Variants in JAKMIP2 observed in about 807,000 individuals in gnomAD.
JAKMIP2 encodes the protein janus kinase and microtubule interacting protein 2, also known as janus kinase and microtubule-interacting protein 2.
In JAKMIP2, 25 loss-of-function variants were observed where a neutral mutation model predicts 115.0. That is an observed-to-expected ratio of 0.22 (90% CI 0.16 to 0.30). JAKMIP2 has a LOEUF of 0.30. Ranked by LOEUF, JAKMIP2 falls within the 10% of genes least tolerant of loss-of-function variation. The probability of loss-of-function intolerance (pLI) is 1.00; values close to 1 mark genes in which losing one functional copy is unlikely to be tolerated. For synonymous variants in JAKMIP2, 334 were observed against 343.6 expected (o/e 0.97, Z 0.31); for missense variants, 642 against 957.6 (o/e 0.67, Z 4.35).
rs1457553288 is a variant in JAKMIP2, at chr5:147,709,293, T to C, written c.-148-37339A>G. Among the ~76,000 whole-genome samples the C allele has an allele frequency of 2.0e-5, 3 of 152,226 alleles. No homozygotes were observed. In the East Asian group the frequency reaches 5.8e-4, roughly 29 times the overall value. On this transcript the variant is annotated intron_variant, in intron 1 of 21. Transcript: ENST00000616793. Reference sequence around the variant, plus strand: ...GTATTATGAGACTCTTATACATACTTGCATGTATTTGTGTGTGTAAATCCA... The same window carrying C: ...GTATTATGAGACTCTTATACATACTCGCATGTATTTGTGTGTGTAAATCCA...
intron 21 of JAKMIP2, among the ~76,000 whole-genome samples, chr5:147,598,860 G>A (rs190054769): frequency 3.9e-5 from 6 of 152,252 alleles, no homozygotes. Flanking sequence ...ATCGTAATTT[G>A]CAGTAAGCTT....
intron 1 of JAKMIP2, among the ~76,000 whole-genome samples, chr5:147,685,537 C>G (rs1760525258): frequency 6.6e-6 from 1 of 152,100 alleles, no homozygotes; most frequent in Admixed American, 6.6e-5. Flanking sequence ...TACTCCGGAG[C>G]CTATAAGCCC....
chr5:147,733,869 G>A (rs879125442), intron 1 of JAKMIP2, among the ~76,000 whole-genome samples: 2 of 152,110 alleles, frequency 1.3e-5, no homozygotes, highest in Non-Finnish European at 2.9e-5. Flanking sequence ...TATCATTGAT[G>A]GGCACTTGGG....
At chr5:147,702,596 G>T (rs1752388528) in intron 1 of JAKMIP2, among the ~76,000 whole-genome samples, 1 of 108,042 alleles carries the variant, frequency 9.3e-6, no homozygotes, top group African/African-American at 3.8e-5. Flanking sequence ...AAGAAAGAAA[G>T]AAAGAAGGAA....
chr5:147,769,866 G>T lies in JAKMIP2; in HGVS notation c.-149+12590C>A, dbSNP rs369704910. ...CAAAACTGGATAGTCAAATATTTGG[G>T]TTTGTAGATGATTTAAACATTTTGA... On this transcript the variant is annotated intron_variant, in intron 1 of 21. Transcript: ENST00000616793. 1.1e-4 allele frequency among the ~76,000 whole-genome samples: 16 copies of T among 152,020 alleles called. 1 individual carries two copies. Among genetic ancestry groups the T allele is most frequent in the African/African-American group, 3.9e-4 (16 of 41,448 alleles).
chr5:147,710,118 C>T (rs1349971225), intron 1 of JAKMIP2, among the ~76,000 whole-genome samples: 1 of 152,118 alleles, frequency 6.6e-6, no homozygotes, highest in East Asian at 1.9e-4. Flanking sequence ...GAAATATGAA[C>T]AACACTATGA....
intron 1 of JAKMIP2, among the ~76,000 whole-genome samples, chr5:147,717,718 G>A (rs1267094300): frequency 2.0e-5 from 3 of 150,452 alleles, no homozygotes; most frequent in African/African-American, 7.3e-5. Context: ...CTTTGCTGAA[G>A]TTGCTGATCA....
At chr5:147,713,827 C>T (rs1752869849) in intron 1 of JAKMIP2, among the ~76,000 whole-genome samples, 2 of 152,110 alleles carry the variant, frequency 1.3e-5, no homozygotes, top group African/African-American at 4.8e-5. Context: ...GATTATTATT[C>T]TTGTTTTTGG....
At chr5:147,698,217 T>C (rs777420124) in intron 1 of JAKMIP2, among the ~76,000 whole-genome samples, 1 of 152,248 alleles carries the variant, frequency 6.6e-6, no homozygotes, top group Non-Finnish European at 1.5e-5. Flanking sequence ...ATAGCCTCTT[T>C]GTTCTGGCCA....
intron 1 of JAKMIP2, among the ~76,000 whole-genome samples, chr5:147,680,592 C>G (rs543633523): frequency 6.6e-6 from 1 of 152,310 alleles, no homozygotes; most frequent in Admixed American, 6.5e-5. Flanking sequence ...TCTTCTAAGC[C>G]TCCCTTCTTT....
rs1453069041 is a variant in JAKMIP2, at chr5:147,588,862, A to G, written c.*2845T>C. Reference sequence around the variant, plus strand: ...TCATTTAGAAATAGTTACTCATGGAAATAAATTTTGACTTACAAATTTCTT... The same window carrying G: ...TCATTTAGAAATAGTTACTCATGGAGATAAATTTTGACTTACAAATTTCTT... On this transcript the variant is annotated 3_prime_UTR_variant, in exon 22 of 22. Coordinates refer to ENST00000616793, the MANE Select transcript of JAKMIP2 (RefSeq NM_001270941.2). The G allele has an allele frequency of 1.3e-5, 2 of 152,198 alleles. No homozygotes were observed. The highest frequency in any genetic ancestry group is 2.9e-5 in the Non-Finnish European group (2 of 68,042). 9.4% of individuals were successfully genotyped at this position (152,198 alleles called of 1,614,324 possible).
chr5:147,759,948 G>T lies in JAKMIP2; in HGVS notation c.-149+22508C>A, dbSNP rs151205374. ...AGCCCTACATGGGAAGGTGGCAATA[G>T]AGATGGAAAAGTAAACAGATTTAGG... On this transcript the variant is annotated intron_variant, in intron 1 of 21. Transcript: ENST00000616793. 9.9e-4 allele frequency among the ~76,000 whole-genome samples: 150 copies of T among 152,216 alleles called. 1 individual carries two copies. Among genetic ancestry groups the T allele is most frequent in the Non-Finnish European group, 4.6e-4 (31 of 67,982 alleles).
intron 19 of JAKMIP2, 39 bp from the exon 20 acceptor site, chr5:147,612,410 T>C: frequency 8.1e-7 from 1 of 1,230,508 alleles, no homozygotes; most frequent in Admixed American, 2.2e-5. Context: ...CATCAGTAGG[T>C]GGTAAGTTGT....
intron 1 of JAKMIP2, among the ~76,000 whole-genome samples, chr5:147,692,635 A>G (rs1020018023): frequency 1.3e-5 from 2 of 152,374 alleles, no homozygotes; most frequent in African/African-American, 2.4e-5. Flanking sequence ...TGACTAATAT[A>G]AAAACAGTAT....
intron 1 of JAKMIP2, among the ~76,000 whole-genome samples, chr5:147,746,048 A>G (rs1004977389): frequency 6.6e-6 from 1 of 152,212 alleles, no homozygotes; most frequent in Admixed American, 6.5e-5. Flanking sequence ...GTTTCCAGAC[A>G]ACTGAATTCT....
chr5:147,644,797 T>C, intron 6 of JAKMIP2, 53 bp downstream of exon 6: 5 of 1,480,346 alleles, frequency 3.4e-6, no homozygotes, highest in South Asian at 1.2e-5. Flanking sequence ...AGTCAGGTTA[T>C]TAAGGTAATA....
chr5:147,603,175 C>T lies in JAKMIP2; in HGVS notation c.2413-1364G>A, dbSNP rs967755542. ...GCAGATCATGCCATTTGGAGTCAGA[C>T]ACCCTGACCTCTGGTTTTGACTTGC... On this transcript the variant is annotated intron_variant, in intron 20 of 21. Transcript: ENST00000616793. Among the ~76,000 whole-genome samples the T allele has an allele frequency of 3.1e-4, 47 of 152,282 alleles. 1 individual carries two copies. The highest frequency in any genetic ancestry group is 1.1e-3 in the African/African-American group (44 of 41,566).
chr5:147,677,606 A>G (rs1760038597), intron 1 of JAKMIP2, among the ~76,000 whole-genome samples: 1 of 152,184 alleles, frequency 6.6e-6, no homozygotes. Context: ...TACTCCCAAT[A>G]TAGTCCTTTT....
intron 20 of JAKMIP2, among the ~76,000 whole-genome samples, chr5:147,610,930 C>T (rs1756285730): frequency 6.6e-6 from 1 of 152,166 alleles, no homozygotes; most frequent in Non-Finnish European, 1.5e-5. Context: ...AGCTTTGTGG[C>T]CCTGTGGTGG....
Sources: gnomAD v4.1 joint callset for allele counts (sites outside exome capture counted in the v4.1 genomes callset) on GRCh38, gnomAD v4.1.1 for gene constraint, MANE v1.5 for transcripts, NCBI Gene and HGNC (gene_info 2026-07-23, HGNC 2026-07-21) for gene names.